Variants in KHDRBS2 observed in about 807,000 individuals in gnomAD.
The protein encoded by KHDRBS2 is KH RNA binding domain containing, signal transduction associated 2.
Under a neutral mutation model 44.3 loss-of-function variants are expected in KHDRBS2, and 26 were observed. The ratio of observed to expected loss-of-function variants is 0.59; its 90% CI spans 0.43 to 0.81. KHDRBS2 has a LOEUF of 0.81. Among genes scored for constraint, KHDRBS2 ranks in the 40% least tolerant of loss-of-function variants. The pLI is 0.00. For missense variants in KHDRBS2, 476 were observed against 433.1 expected, an observed-to-expected ratio of 1.10 and a Z score of -0.88; for synonymous variants, 194 against 151.1, an observed-to-expected ratio of 1.28 and a Z score of -2.08.
At chr6:61,681,674 A>G (rs1766326215) in intron 8 of KHDRBS2, among the ~76,000 whole-genome samples, 1 of 151,928 alleles carries the variant, frequency 6.6e-6, no homozygotes, top group African/African-American at 2.4e-5. Flanking sequence ...TTCCAAGTAA[A>G]CAACTCAGTA....
chr6:61,557,463 G>A, the KHDRBS2 span, among the ~76,000 whole-genome samples: 4 of 152,130 alleles, frequency 2.6e-5, no homozygotes, highest in African/African-American at 9.7e-5. Flanking sequence ...TATCTCCATT[G>A]TGAATGGTAG....
At position 62,051,219 on chromosome 6, in the gene KHDRBS2, A is replaced by G. The variant is rs1168227338; in HGVS notation, c.220-3225T>C. On this transcript the variant is annotated intron_variant, in intron 2 of 8. Coordinates refer to ENST00000281156, the MANE Select transcript of KHDRBS2 (RefSeq NM_152688.4). ...CTTTTATCAAAATTTATCAAGCTGC[A>G]CTCTTAGGAACTATTATTTCATTGT... 2.0e-5 allele frequency among the ~76,000 whole-genome samples: 3 copies of G among 152,030 alleles called. No individual in the cohort carries two copies. In the East Asian group the frequency reaches 5.8e-4, roughly 29 times the overall value.
chr6:62,210,126 C>T (rs1204612), intron 1 of KHDRBS2, among the ~76,000 whole-genome samples: 121,018 of 151,990 alleles, frequency 0.8, 48,797 homozygotes, highest in African/African-American at 0.92. Flanking sequence ...TTGAAAATAT[C>T]TGTGCTTTTG....
chr6:62,184,244 G>T (rs529148817), intron 1 of KHDRBS2, among the ~76,000 whole-genome samples: 1 of 151,700 alleles, frequency 6.6e-6, no homozygotes, highest in East Asian at 1.9e-4. Flanking sequence ...GACTACAATT[G>T]TCATGAAATA....
chr6:61,758,136 C>T (rs571742276), intron 6 of KHDRBS2, among the ~76,000 whole-genome samples: 130 of 152,194 alleles, frequency 8.5e-4, no homozygotes, highest in African/African-American at 2.9e-3. Flanking sequence ...TGGGTTCCTC[C>T]TCACTATGTC....
At chr6:61,603,059 A>T in the KHDRBS2 span, among the ~76,000 whole-genome samples, 1 of 152,000 alleles carries the variant, frequency 6.6e-6, no homozygotes, top group Non-Finnish European at 1.5e-5. Flanking sequence ...CATCCCATTA[A>T]AACCTAATCA....
At chr6:62,274,967 A>G (rs1270041209) in intron 1 of KHDRBS2, among the ~76,000 whole-genome samples, 1 of 151,072 alleles carries the variant, frequency 6.6e-6, no homozygotes, top group Non-Finnish European at 1.5e-5. Context: ...CAATTAACGT[A>G]TGCTTAACAA....
At chr6:61,952,818 TA>T (rs1765050179) in intron 4 of KHDRBS2, among the ~76,000 whole-genome samples, 2 of 152,008 alleles carry the variant, frequency 1.3e-5, no homozygotes, top group East Asian at 3.9e-4. Flanking sequence ...AATAAACGGG[TA>T]AAACAGTTTA....
At chr6:62,273,547 G>T (rs1204411682) in intron 1 of KHDRBS2, among the ~76,000 whole-genome samples, 1 of 152,140 alleles carries the variant, frequency 6.6e-6, no homozygotes, top group Non-Finnish European at 1.5e-5. Flanking sequence ...CAACTTTGAA[G>T]ATGAGTTTTC....
At chr6:61,627,025 G>A in the KHDRBS2 span, among the ~76,000 whole-genome samples, 17 of 151,920 alleles carry the variant, frequency 1.1e-4, no homozygotes, top group East Asian at 7.8e-4. Flanking sequence ...AGGCCGAGGC[G>A]GGAGGATCAC....
chr6:62,071,271 T>G (rs1011092200), intron 2 of KHDRBS2, among the ~76,000 whole-genome samples: 1 of 152,174 alleles, frequency 6.6e-6, no homozygotes, highest in Admixed American at 6.5e-5. Flanking sequence ...TTGCAAAAAT[T>G]TTCTCCCATT....
At chr6:62,023,107 T>C (rs1782638789) in intron 3 of KHDRBS2, among the ~76,000 whole-genome samples, 1 of 151,730 alleles carries the variant, frequency 6.6e-6, no homozygotes. Context: ...AGTGTTTTAA[T>C]CTCATCAAAA....
At chr6:62,134,699 C>T (rs554725208) in intron 2 of KHDRBS2, among the ~76,000 whole-genome samples, 14 of 152,290 alleles carry the variant, frequency 9.2e-5, no homozygotes, top group Admixed American at 3.3e-4. Context: ...GAGCTTCCCA[C>T]GACCATAGGA....
At chr6:62,102,729 G>A (rs1438581649) in intron 2 of KHDRBS2, among the ~76,000 whole-genome samples, 2 of 152,118 alleles carry the variant, frequency 1.3e-5, no homozygotes, top group Admixed American at 6.5e-5. Flanking sequence ...ACTCTGGCTT[G>A]GGAAACCCCA....
At chr6:61,793,027 C>T (rs556760994) in intron 6 of KHDRBS2, among the ~76,000 whole-genome samples, 183 of 151,774 alleles carry the variant, frequency 1.2e-3, no homozygotes, top group African/African-American at 4.2e-3. Context: ...TACAAAGCTT[C>T]GATGATTAAT....
intron 3 of KHDRBS2, among the ~76,000 whole-genome samples, chr6:62,007,678 G>A (rs1216926041): frequency 7.1e-6 from 1 of 141,128 alleles, no homozygotes; most frequent in Admixed American, 7.6e-5. Flanking sequence ...GCCTCTTTAG[G>A]GAATATCAAC....
chr6:61,970,486 ACAGAAGAAAGCT>A (rs1771141054), intron 4 of KHDRBS2, among the ~76,000 whole-genome samples: 1 of 152,112 alleles, frequency 6.6e-6, no homozygotes. Context: ...AGTTAAGTAC[ACAGAAGAAAGCT>A]CACATGCAAC....
chr6:61,750,760 TAA>T (rs61576563), intron 6 of KHDRBS2, among the ~76,000 whole-genome samples: 17 of 116,442 alleles, frequency 1.5e-4, no homozygotes, highest in African/African-American at 3.3e-4. Context: ...GAGAAAAAAG[TAA>T]AAAAAAAAAA....
At chr6:61,543,941 C>T in the KHDRBS2 span, among the ~76,000 whole-genome samples, 1 of 151,724 alleles carries the variant, frequency 6.6e-6, no homozygotes, top group Admixed American at 6.6e-5. Flanking sequence ...ATGATCATTA[C>T]CAGCAGCTGG....
Sources: gnomAD v4.1 joint callset for allele counts (sites outside exome capture counted in the v4.1 genomes callset) on GRCh38, gnomAD v4.1.1 for gene constraint, MANE v1.5 for transcripts, NCBI Gene and HGNC (gene_info 2026-07-23, HGNC 2026-07-21) for gene names.